OR52E4: variants seen among roughly 807,000 people sequenced by gnomAD.
The protein encoded by OR52E4 is olfactory receptor 52E4.
For missense variants in OR52E4, 444 were observed against 383.8 expected, an observed-to-expected ratio of 1.16 and a Z score of -1.31; for synonymous variants, 169 against 137.4, an observed-to-expected ratio of 1.23 and a Z score of -1.61.
rs1847003302 is a variant in OR52E4 at position 5,884,263 on chromosome 11, C to T, written c.-30C>T. On this transcript the variant is annotated 5_prime_UTR_variant, in exon 2 of 2. Transcript: ENST00000641726. ...CTTAAAGAAAGTGAGATCCTTCATA[C>T]TTAGGAATTCAGTGACACTTGCTGG... is the stretch of plus-strand genomic sequence containing the variant. 1 of 1,501,308 alleles carries T rather than the reference C, an allele frequency of 6.7e-7. No homozygotes were observed. The highest frequency in any genetic ancestry group is 1.8e-5 in the Admixed American group (1 of 56,762). 93.0% of individuals were successfully genotyped at this position (1,501,308 alleles called of 1,614,324 possible).
At position 5,884,896 on chromosome 11, in the gene OR52E4, C is replaced by A; in HGVS notation, c.604C>A (p.Leu202Ile). The change falls in exon 2 of 2, where the codon CTC becomes ATC. Residue 202 changes from leucine (L) to isoleucine (I), a missense_variant. Leu to Ile is a conservative substitution (Grantham distance 5, BLOSUM62 2). Coordinates refer to ENST00000641726, the MANE Select transcript of OR52E4 (RefSeq NM_001005165.2). Reference sequence around the variant, plus strand: ...CATTAAGATCAACATAATCTATGGGCTCATGGTGATTTCTTATATTATTGT... The same window carrying A: ...CATTAAGATCAACATAATCTATGGGATCATGGTGATTTCTTATATTATTGT... The part of the protein sequence containing the change: ...APIKINIIYG[L>I]MVISYIIVDV... 6.2e-7 allele frequency: 1 copy of A among 1,613,014 alleles called. No individual in the cohort carries two copies.
chr11:5,883,025 T>G (rs7123281), intron 1 of OR52E4, among the ~76,000 whole-genome samples: 123,448 of 151,988 alleles, frequency 0.81, 50,243 homozygotes, highest in African/African-American at 0.86. Context: ...TGTCAAGGAA[T>G]CAATGAAGAG....
Position 5,884,533 on chromosome 11 carries a change from C to A in OR52E4, c.241C>A (p.Pro81Thr). ...TCTGGGTCTGTCCACATCCACTATC[C>A]CCAAAATGCTAGGAATCTTCTGGTT... ...IDLGLSTSTI[P>T]KMLGIFWFNL... Residue 81 changes from proline (P) to threonine (T), a missense_variant, in exon 2 of 2, where the codon CCC (proline) becomes ACC (threonine). Pro to Thr is a conservative substitution (Grantham distance 38, BLOSUM62 -1). Coordinates refer to ENST00000641726, the MANE Select transcript of OR52E4 (RefSeq NM_001005165.2). 1 of 1,613,472 alleles carries A rather than the reference C, an allele frequency of 6.2e-7. No individual in the cohort carries two copies. Among genetic ancestry groups the A allele is most frequent in the Non-Finnish European group, 8.5e-7 (1 of 1,179,668 alleles).
chr11:5,883,429 G>T (rs763742708), intron 1 of OR52E4, among the ~76,000 whole-genome samples: 11 of 151,894 alleles, frequency 7.2e-5, no homozygotes, highest in Non-Finnish European at 1.6e-4. Flanking sequence ...ATAGAAAGTG[G>T]TAGACAGTAG....
Position 5,885,291 on chromosome 11 carries a change from C to A in OR52E4, c.*60C>A. 2 of 1,154,380 alleles carry A rather than the reference C, an allele frequency of 1.7e-6. No homozygotes were observed. Among genetic ancestry groups the A allele is most frequent in the Non-Finnish European group, 2.4e-6 (2 of 829,672 alleles). The allele number at this position is 1,154,380 out of a possible 1,614,324, so 71.5% of individuals were successfully genotyped here. Reference sequence around the variant, plus strand: ...ACAACCCAAATTATCATCATCTGAGCTCCCTTTTTAATCTTCTGTAACAGT... The same window carrying A: ...ACAACCCAAATTATCATCATCTGAGATCCCTTTTTAATCTTCTGTAACAGT... On this transcript the variant is annotated 3_prime_UTR_variant, in exon 2 of 2. Transcript: ENST00000641726.
chr11:5,882,903 A>G (rs1320262570), intron 1 of OR52E4, among the ~76,000 whole-genome samples: 1 of 152,102 alleles, frequency 6.6e-6, no homozygotes, highest in African/African-American at 2.4e-5. Flanking sequence ...CTTTGTAGAA[A>G]TAAGGCCAGT....
rs1847052717 is a variant in OR52E4, at chr11:5,886,947, G to A, written c.*1716G>A. Reference sequence around the variant, plus strand: ...TATAGTATTTTGTAGATTTTCTTTAGGTCTGTATGCATGGGTTCTAATTTG... The same window carrying A: ...TATAGTATTTTGTAGATTTTCTTTAAGTCTGTATGCATGGGTTCTAATTTG... On this transcript the variant is annotated 3_prime_UTR_variant, in exon 2 of 2. Coordinates refer to ENST00000641726, the MANE Select transcript of OR52E4 (RefSeq NM_001005165.2). 1 of 151,998 alleles carries A rather than the reference G, an allele frequency of 6.6e-6. No individual in the cohort carries two copies. The highest frequency in any genetic ancestry group is 1.5e-5 in the Non-Finnish European group (1 of 67,998). 9.4% of individuals were successfully genotyped at this position (151,998 alleles called of 1,614,324 possible). A position where few individuals can be genotyped will look rare whatever the true frequency, so the allele number is the denominator to read the frequency against.
In OR52E4 at chr11:5,885,171, T is replaced by G. The variant is rs754126390; in HGVS notation, c.879T>G (p.Tyr293Ter). The G allele has an allele frequency of 1.9e-6, 3 of 1,613,280 alleles. No individual in the cohort carries two copies. Among genetic ancestry groups the G allele is most frequent in the Non-Finnish European group, 2.5e-6 (3 of 1,179,582 alleles). ...CACCTGCCCTTAACCCTGTCATTTA[T>G]GGAGTCAGGACCAAGCAGATCCGAG... Reference protein sequence around the residue: ...VVPPALNPVIYGVRTKQIREQ... With the variant: ...VVPPALNPVI Residue 293 changes from tyrosine to a stop codon, truncating the protein, a stop_gained, in exon 2 of 2, where the codon TAT becomes TAG. Coordinates refer to ENST00000641726, the MANE Select transcript of OR52E4 (RefSeq NM_001005165.2). LOFTEE classifies it high-confidence loss of function.
At chr11:5,882,628 C>T (rs1333785914) in intron 1 of OR52E4, among the ~76,000 whole-genome samples, 1 of 152,004 alleles carries the variant, frequency 6.6e-6, no homozygotes, top group African/African-American at 2.4e-5. Context: ...TACAGGACAA[C>T]TGATGTATGC....
intron 1 of OR52E4, among the ~76,000 whole-genome samples, chr11:5,880,941 CCT>C (rs951108466): frequency 6.6e-5 from 10 of 152,060 alleles, no homozygotes; most frequent in African/African-American, 2.4e-4. Flanking sequence ...CTCTCTCCCC[CCT>C]TTCTCTCTGC....
rs1346587423 is a variant in OR52E4 at position 5,884,414 on chromosome 11, T to A, written c.122T>A (p.Ile41Asn). The change falls in exon 2 of 2, where the codon ATT becomes AAT. Residue 41 changes from isoleucine to asparagine, a missense_variant. Coordinates refer to ENST00000641726, the MANE Select transcript of OR52E4 (RefSeq NM_001005165.2). ...FPFCIVYLIAIVGNMTILFVI... is the reference protein window; with the variant it reads ...FPFCIVYLIANVGNMTILFVI... ...TTCTGTATTGTGTACCTGATTGCCA[T>A]TGTGGGGAATATGACCATTCTCTTT... is the stretch of plus-strand genomic sequence containing the variant. 2 of 1,613,274 alleles carry A rather than the reference T, an allele frequency of 1.2e-6. No homozygotes were observed. Among genetic ancestry groups the A allele is most frequent in the East Asian group, 2.2e-5 (1 of 44,868 alleles).
chr11:5,881,772 T>G (rs1846966523), intron 1 of OR52E4, among the ~76,000 whole-genome samples: 1 of 152,098 alleles, frequency 6.6e-6, no homozygotes, highest in Admixed American at 6.6e-5. Context: ...GTCTTATTTA[T>G]CATTAAAATA....
At position 5,885,323 on chromosome 11, in the gene OR52E4, T is replaced by G; in HGVS notation, c.*92T>G. The G allele has an allele frequency of 1.1e-6, 1 of 914,546 alleles. No individual in the cohort carries two copies. The highest frequency in any genetic ancestry group is 1.6e-6 in the Non-Finnish European group (1 of 625,656). 56.7% of individuals were successfully genotyped at this position (914,546 alleles called of 1,614,324 possible). ...TTTAATCTTCTGTAACAGTTGGTCA[T>G]GCTTGTCAGATTTTTTCCTTTTGAC... On this transcript the variant is annotated 3_prime_UTR_variant, in exon 2 of 2. Transcript: ENST00000641726.
Position 5,886,562 on chromosome 11 carries a change from T to C in OR52E4, c.*1331T>C, listed in dbSNP as rs1847046986. On this transcript the variant is annotated 3_prime_UTR_variant, in exon 2 of 2. Coordinates refer to ENST00000641726, the MANE Select transcript of OR52E4 (RefSeq NM_001005165.2). ...ACTTGATATCGACTTCAAAATAATA[T>C]CATTATAATTTATTAATCCTGTAGA... 1.3e-5 allele frequency: 2 copies of C among 152,024 alleles called. No individual in the cohort carries two copies. Among genetic ancestry groups the C allele is most frequent in the East Asian group, 1.9e-4 (1 of 5,174 alleles). The allele number at this position is 152,024 out of a possible 1,614,324, so 9.4% of individuals were successfully genotyped here. A position where few individuals can be genotyped will look rare whatever the true frequency, so the allele number is the denominator to read the frequency against.
chr11:5,884,977 C>A lies in OR52E4; in HGVS notation c.685C>A (p.Leu229Ile), dbSNP rs1424205905. Residue 229 changes from leucine (L) to isoleucine (I), a missense_variant, in exon 2 of 2, where the codon CTT becomes ATT. Leu to Ile is a conservative substitution (Grantham distance 5). Coordinates refer to ENST00000641726, the MANE Select transcript of OR52E4 (RefSeq NM_001005165.2). ...GCTTATCCTTAGAGCTGTTTTTCGC[C>A]TTCCCTCTCAAGATGTCCGACTAAA... is the stretch of plus-strand genomic sequence containing the variant. ...YVLILRAVFR[L>I]PSQDVRLKAF... The A allele has an allele frequency of 1.2e-6, 2 of 1,612,624 alleles. No individual in the cohort carries two copies. Among genetic ancestry groups the A allele is most frequent in the Admixed American group, 3.3e-5 (2 of 59,862 alleles).
At position 5,884,340 on chromosome 11, in the gene OR52E4, G is replaced by A. The variant is rs777302556; in HGVS notation, c.48G>A (p.Leu16=). Residue 16 remains leucine, a synonymous_variant, in exon 2 of 2, where the codon CTG becomes CTA. Transcript: ENST00000641726. The part of the protein sequence containing the change: ...DTHFYPPFFL[L]LGIPGLDTLH... ...ACTTCTATCCCCCCTTCTTCCTCCT[G>A]CTAGGAATACCAGGACTGGACACTT... 1 of 1,612,668 alleles carries A rather than the reference G, an allele frequency of 6.2e-7. No homozygotes were observed. The highest frequency in any genetic ancestry group is 1.3e-5 in the African/African-American group (1 of 74,812).
Position 5,886,597 on chromosome 11 carries a change from T to G in OR52E4, c.*1366T>G, listed in dbSNP as rs139340312. 3.3e-5 allele frequency: 5 copies of G among 152,082 alleles called. 1 individual carries two copies. Among genetic ancestry groups the G allele is most frequent in the African/African-American group, 1.2e-4 (5 of 41,482 alleles). 9.4% of individuals were successfully genotyped at this position (152,082 alleles called of 1,614,324 possible). On this transcript the variant is annotated 3_prime_UTR_variant, in exon 2 of 2. Coordinates refer to ENST00000641726, the MANE Select transcript of OR52E4 (RefSeq NM_001005165.2). ...TTATTAATCCTGTAGATCTCCAATA[T>G]TTAGTCCTATTTTCAAACTTCAGAT...
At position 5,884,966 on chromosome 11, in the gene OR52E4, C is replaced by G. The variant is rs201376951; in HGVS notation, c.674C>G (p.Ala225Gly). 6.2e-7 allele frequency: 1 copy of G among 1,612,700 alleles called. No homozygotes were observed. Among genetic ancestry groups the G allele is most frequent in the East Asian group, 2.2e-5 (1 of 44,828 alleles). ...TCTTCCTATGTGCTTATCCTTAGAG[C>G]TGTTTTTCGCCTTCCCTCTCAAGAT... ...IASSYVLILR[A>G]VFRLPSQDVR... Residue 225 changes from alanine (A) to glycine (G), a missense_variant, in exon 2 of 2, where the codon GCT becomes GGT. Coordinates refer to ENST00000641726, the MANE Select transcript of OR52E4 (RefSeq NM_001005165.2).
In OR52E4 at chr11:5,885,287, T is replaced by G; in HGVS notation, c.*56T>G. 1 of 1,172,258 alleles carries G rather than the reference T, an allele frequency of 8.5e-7. No homozygotes were observed. The highest frequency in any genetic ancestry group is 1.2e-6 in the Non-Finnish European group (1 of 843,584). The allele number at this position is 1,172,258 out of a possible 1,614,324, so 72.6% of individuals were successfully genotyped here. On this transcript the variant is annotated 3_prime_UTR_variant, in exon 2 of 2. Transcript: ENST00000641726. ...ATATACAACCCAAATTATCATCATC[T>G]GAGCTCCCTTTTTAATCTTCTGTAA... is the stretch of plus-strand genomic sequence containing the variant.
Sources: gnomAD v4.1 joint callset for allele counts (sites outside exome capture counted in the v4.1 genomes callset) on GRCh38, gnomAD v4.1.1 for gene constraint, MANE v1.5 for transcripts, NCBI Gene and HGNC (gene_info 2026-07-23, HGNC 2026-07-21) for gene names.